MAP2K7: variants seen among roughly 807,000 people sequenced by gnomAD.
MAP2K7 encodes mitogen-activated protein kinase kinase 7, also known as dual specificity mitogen-activated protein kinase kinase 7.
A neutral mutation model predicts 47.7 loss-of-function variants in MAP2K7; 12 were observed. That is an observed-to-expected ratio of 0.25 (90% CI 0.16 to 0.41). The LOEUF is 0.41. MAP2K7 is among the 10% of genes least tolerant of loss of function. The pLI, the probability that MAP2K7 is intolerant of heterozygous loss-of-function variation, is 1.00. For synonymous variants in MAP2K7, 299 were observed against 243.0 expected (o/e 1.23, Z -2.14); for missense variants, 415 against 600.3 (o/e 0.69, Z 3.23).
rs1983167050 is a variant in MAP2K7, at chr19:7,914,451, T to G, written c.*2020T>G. 1 of 152,168 alleles carries G rather than the reference T, an allele frequency of 6.6e-6. No homozygotes were observed. The highest frequency in any genetic ancestry group is 2.4e-5 in the African/African-American group (1 of 41,420). 9.4% of individuals were successfully genotyped at this position (152,168 alleles called of 1,614,324 possible). On this transcript the variant is annotated 3_prime_UTR_variant, in exon 11 of 11. Coordinates refer to ENST00000397979, the MANE Select transcript of MAP2K7 (RefSeq NM_145185.4). Reference sequence around the variant, plus strand: ...CCTCGTTTGTAAACCCTTAGACGCTTGAGAATAAACCCCTTCCTTTTCTTC... The same window carrying G: ...CCTCGTTTGTAAACCCTTAGACGCTGGAGAATAAACCCCTTCCTTTTCTTC...
rs1462605077 is a variant in MAP2K7, at chr19:7,914,323, A to T, written c.*1892A>T. ...TCCCTCTGGACCAGGCAGAGGGCGG[A>T]CCGGGTGGGCAGGGGCCTGAGGGTG... On this transcript the variant is annotated 3_prime_UTR_variant, in exon 11 of 11. Coordinates refer to ENST00000397979, the MANE Select transcript of MAP2K7 (RefSeq NM_145185.4). The T allele has an allele frequency of 6.6e-6, 1 of 152,082 alleles. No homozygotes were observed. The highest frequency in any genetic ancestry group is 1.5e-5 in the Non-Finnish European group (1 of 67,974). The allele number at this position is 152,082 out of a possible 1,614,324, so 9.4% of individuals were successfully genotyped here.
At chr19:7,904,174 G>C (rs1337641748) in intron 1 of MAP2K7, 106 bp downstream of exon 1, 5 of 933,520 alleles carry the variant, frequency 5.4e-6, no homozygotes, top group Non-Finnish European at 6.8e-6. Context: ...CGGGGCGCTC[G>C]CTCTCCTCTC....
At position 7,909,809 on chromosome 19, in the gene MAP2K7, G is replaced by A. The variant is rs1982698328; in HGVS notation, c.179G>A (p.Ser60Asn). The A allele has an allele frequency of 3.9e-6, 6 of 1,542,924 alleles. No individual in the cohort carries two copies. Among genetic ancestry groups the A allele is most frequent in the Non-Finnish European group, 5.2e-6 (6 of 1,145,988 alleles). ...GGCAGCCGCTCGCCATCCTCAGAGA[G>A]CTCCCCGCAGCACCCCACGCCCCCC... ...DGGSRSPSSESSPQHPTPPAR... is the reference protein window; with the variant it reads ...DGGSRSPSSENSPQHPTPPAR... Residue 60 changes from serine to asparagine, a missense_variant, in exon 2 of 11, where the codon AGC (serine) becomes AAC (asparagine). Physicochemically the swap from Ser to Asn is conservative, Grantham distance 46. Coordinates refer to ENST00000397979, the MANE Select transcript of MAP2K7 (RefSeq NM_145185.4).
chr19:7,907,412 G>A (rs1568275533), intron 1 of MAP2K7, among the ~76,000 whole-genome samples: 1 of 152,188 alleles, frequency 6.6e-6, no homozygotes, highest in Non-Finnish European at 1.5e-5. Flanking sequence ...GCACTTGCAC[G>A]GCATGTGCGT....
Position 7,909,656 on chromosome 19 carries a change from G to A in MAP2K7, c.125-99G>A, listed in dbSNP as rs1599624844. The A allele has an allele frequency of 2.0e-5, 13 of 662,326 alleles. No individual in the cohort carries two copies. In the East Asian group the frequency reaches 3.8e-4, roughly 19 times the overall value. 41.0% of individuals were successfully genotyped at this position (662,326 alleles called of 1,614,324 possible). On this transcript the variant is annotated intron_variant, in intron 1 of 10. Transcript: ENST00000397979. ...GCCTAGCTCGGGAAACCCAGGAGGG[G>A]AAGGTGAGGGTCCCGACCCCTCCCT...
intron 1 of MAP2K7, among the ~76,000 whole-genome samples, chr19:7,908,638 C>G (rs1982614138): frequency 6.6e-6 from 1 of 151,862 alleles, no homozygotes; most frequent in Non-Finnish European, 1.5e-5. Flanking sequence ...CAGGCCCCAG[C>G]TCCTGTGGGA....
intron 1 of MAP2K7, among the ~76,000 whole-genome samples, chr19:7,907,419 G>A (rs918661839): frequency 3.3e-5 from 5 of 152,228 alleles, no homozygotes; most frequent in African/African-American, 4.8e-5. Flanking sequence ...CACGGCATGT[G>A]CGTGCATGTT....
intron 1 of MAP2K7, 28 bp from the exon 2 acceptor site, chr19:7,909,727 T>G: frequency 6.9e-7 from 1 of 1,453,376 alleles, no homozygotes; most frequent in Non-Finnish European, 9.2e-7. Flanking sequence ...CTGACCCCCC[T>G]CCCTGCCACT....
intron 9 of MAP2K7, 145 bp from the exon 10 acceptor site, chr19:7,912,003 GC>G: frequency 1.4e-6 from 1 of 714,050 alleles, no homozygotes; most frequent in Non-Finnish European, 2.4e-6. Context: ...CCCGCTGTCA[GC>G]CGGGGTCCTG....
At chr19:7,911,404 A>G (rs762073864) in intron 8 of MAP2K7, 32 bp from the exon 9 acceptor site, 1 of 1,613,266 alleles carries the variant, frequency 6.2e-7, no homozygotes, top group Non-Finnish European at 8.5e-7. Context: ...GGAGAACATA[A>G]ACCTGTCCAG....
intron 1 of MAP2K7, chr19:7,904,412 G>T: frequency 2.9e-6 from 1 of 344,096 alleles, no homozygotes. Context: ...ACACAGACAC[G>T]TCCCTGTTGA....
At chr19:7,908,380 TA>T (rs945167774) in intron 1 of MAP2K7, among the ~76,000 whole-genome samples, 10 of 152,152 alleles carry the variant, frequency 6.6e-5, no homozygotes, top group African/African-American at 2.2e-4. Context: ...CAGGACCAGA[TA>T]GGGGCAATGC....
chr19:7,911,412 C>T (rs750783579), intron 8 of MAP2K7, 24 bp from the exon 9 acceptor site: 2 of 1,613,268 alleles, frequency 1.2e-6, no homozygotes, highest in Non-Finnish European at 1.7e-6. Context: ...TAAACCTGTC[C>T]AGCCCTGCCC....
chr19:7,904,421 G>T (rs1190494276), intron 1 of MAP2K7: 1 of 376,408 alleles, frequency 2.7e-6, no homozygotes, highest in African/African-American at 2.2e-5. Context: ...CGTCCCTGTT[G>T]ACCTGATGCT....
chr19:7,912,280 C>T lies in MAP2K7; in HGVS notation c.1126-17C>T, dbSNP rs1382794063. The stretch of plus-strand genomic sequence containing the variant: ...GAAGACCGTCTCCTCCTAAGCCCCA[C>T]CCCCTCGGGCCCACAGGAACACAGC... On this transcript the variant is annotated splice_polypyrimidine_tract_variant and intron_variant, in intron 10 of 10. Coordinates refer to ENST00000397979, the MANE Select transcript of MAP2K7 (RefSeq NM_145185.4). 8 of 1,613,372 alleles carry T rather than the reference C, an allele frequency of 5.0e-6. No individual in the cohort carries two copies. The highest frequency in any genetic ancestry group is 5.9e-6 in the Non-Finnish European group (7 of 1,179,772).
chr19:7,911,246 G>C lies in MAP2K7; in HGVS notation c.856-4G>C. The stretch of plus-strand genomic sequence containing the variant: ...AGATACGTCTTCTCCTCCCCCCCCT[G>C]CAGCCCGAGCGCATTGACCCCCCAG... On this transcript the variant is annotated splice_polypyrimidine_tract_variant and splice_region_variant and intron_variant, in intron 7 of 10. Coordinates refer to ENST00000397979, the MANE Select transcript of MAP2K7 (RefSeq NM_145185.4). The C allele has an allele frequency of 6.2e-7, 1 of 1,610,600 alleles. No homozygotes were observed. The highest frequency in any genetic ancestry group is 8.5e-7 in the Non-Finnish European group (1 of 1,178,416).
At chr19:7,906,033 T>C (rs1249658141) in intron 1 of MAP2K7, 3 of 647,120 alleles carry the variant, frequency 4.6e-6, no homozygotes, top group Non-Finnish European at 5.5e-6. Context: ...CCCAGCCTCC[T>C]CTGCGTCCTC....
chr19:7,909,220 A>G (rs1430942164), intron 1 of MAP2K7, among the ~76,000 whole-genome samples: 2 of 152,202 alleles, frequency 1.3e-5, no homozygotes, highest in Admixed American at 1.3e-4. Context: ...AACAGAAGAT[A>G]GGGCAAGGCA....
At chr19:7,907,045 CAAA>C (rs59539558) in intron 1 of MAP2K7, 3 of 93,816 alleles carry the variant, frequency 3.2e-5, no homozygotes, top group Non-Finnish European at 6.5e-5. Context: ...AACTCCATCT[CAAA>C]AAAAAAAAAA....
Sources: allele counts gnomAD v4.1 joint callset (sites outside exome capture counted in the v4.1 genomes callset), GRCh38; gene constraint gnomAD v4.1.1; transcripts MANE v1.5; gene names NCBI Gene and HGNC (gene_info 2026-07-23, HGNC 2026-07-21).